VAV3: variants seen among roughly 807,000 people sequenced by gnomAD.
The protein encoded by VAV3 is vav guanine nucleotide exchange factor 3.
In VAV3, 94 loss-of-function variants were observed where a neutral mutation model predicts 131.2. The ratio of observed to expected loss-of-function variants is 0.72; its 90% CI spans 0.61 to 0.85. VAV3 has a LOEUF of 0.85. Ranked by LOEUF, VAV3 falls within the 40% of genes least tolerant of loss-of-function variation. VAV3 has a pLI of 0.00. For missense variants in VAV3, 939 were observed against 1,002.7 expected, an observed-to-expected ratio of 0.94 and a Z score of 0.86; for synonymous variants, 349 against 342.0, an observed-to-expected ratio of 1.02 and a Z score of -0.22.
chr1:107,629,751 A>G (rs765368473), intron 20 of VAV3, among the ~76,000 whole-genome samples: 1 of 152,178 alleles, frequency 6.6e-6, no homozygotes, highest in African/African-American at 2.4e-5. Context: ...GAAAATGCAG[A>G]TAGCCCATTC....
At chr1:107,898,148 C>A (rs1435198496) in intron 1 of VAV3, among the ~76,000 whole-genome samples, 1 of 151,596 alleles carries the variant, frequency 6.6e-6, no homozygotes, top group Non-Finnish European at 1.5e-5. Context: ...TGTTCTATGA[C>A]CTCATTTTGG....
At chr1:107,683,584 C>T (rs772750346) in intron 18 of VAV3, 51 bp from the exon 19 acceptor site, 6 of 1,596,014 alleles carry the variant, frequency 3.8e-6, no homozygotes, top group Non-Finnish European at 5.2e-6. Flanking sequence ...GGTAATTTTG[C>T]ACTATTAAAT....
chr1:107,748,899 G>A (rs112837004), intron 15 of VAV3, 69 bp downstream of exon 15: 4 of 1,142,700 alleles, frequency 3.5e-6, no homozygotes. Context: ...TACACTTATT[G>A]GTTGTTCATT....
chr1:107,963,158 T>G (rs1375894044), intron 1 of VAV3, among the ~76,000 whole-genome samples: 1 of 141,604 alleles, frequency 7.1e-6, no homozygotes, highest in African/African-American at 2.6e-5. Context: ...CTGCTGAGAG[T>G]TCCAGGAAAC....
intron 1 of VAV3, among the ~76,000 whole-genome samples, chr1:107,905,141 C>G (rs979903994): frequency 2.0e-5 from 3 of 152,142 alleles, no homozygotes. Context: ...TGGCATCTGG[C>G]AAGAATGAGA....
chr1:107,735,046 A>C (rs1270458933), intron 15 of VAV3, among the ~76,000 whole-genome samples: 1 of 152,256 alleles, frequency 6.6e-6, no homozygotes, highest in Non-Finnish European at 1.5e-5. Context: ...ACTCAGGATT[A>C]AGAAACTCAC....
intron 2 of VAV3, among the ~76,000 whole-genome samples, chr1:107,873,067 T>C (rs1670325244): frequency 6.6e-6 from 1 of 152,192 alleles, no homozygotes; most frequent in Admixed American, 6.5e-5. Flanking sequence ...TAAGTGACTA[T>C]AATGTAGGTT....
chr1:107,811,840 T>C (rs114087238), intron 2 of VAV3, among the ~76,000 whole-genome samples: 22,924 of 152,078 alleles, frequency 0.15, 1,973 homozygotes, highest in East Asian at 0.29. Flanking sequence ...CCGAAAACTA[T>C]CTTTGGACTT....
intron 15 of VAV3, among the ~76,000 whole-genome samples, chr1:107,712,297 A>G (rs1425556588): frequency 6.6e-6 from 1 of 152,214 alleles, no homozygotes; most frequent in Non-Finnish European, 1.5e-5. Flanking sequence ...ATGTGGCCCA[A>G]CACAAATCCG....
intron 19 of VAV3, among the ~76,000 whole-genome samples, chr1:107,645,989 C>T (rs893982889): frequency 3.3e-5 from 5 of 152,048 alleles, no homozygotes; most frequent in African/African-American, 1.2e-4. Context: ...CGTAACTTCT[C>T]TCCATTGACC....
chr1:107,600,230 G>A (rs771076375), intron 24 of VAV3, among the ~76,000 whole-genome samples: 1 of 152,148 alleles, frequency 6.6e-6, no homozygotes, highest in Non-Finnish European at 1.5e-5. Flanking sequence ...CAAATGAACA[G>A]AAACAAAATG....
intron 19 of VAV3, among the ~76,000 whole-genome samples, chr1:107,647,146 T>G (rs1655796871): frequency 6.6e-6 from 1 of 150,834 alleles, no homozygotes; most frequent in Non-Finnish European, 1.5e-5. Flanking sequence ...CAACATAGAT[T>G]AGTATCTATT....
At position 107,748,960 on chromosome 1, in the gene VAV3, A is replaced by G. The variant is rs761965251; in HGVS notation, c.1502+8T>C. On this transcript the variant is annotated splice_region_variant and intron_variant, in intron 15 of 26. Transcript: ENST00000370056. ...AATAAAAGCACTTTTAAAAATAGAAATACTCACAAAGCCATTTCAAACTGT... is the reference window on the plus strand; with the variant it reads ...AATAAAAGCACTTTTAAAAATAGAAGTACTCACAAAGCCATTTCAAACTGT... 1.9e-6 allele frequency: 3 copies of G among 1,562,680 alleles called. No individual in the cohort carries two copies. Among genetic ancestry groups the G allele is most frequent in the Non-Finnish European group, 2.6e-6 (3 of 1,150,500 alleles).
Position 107,902,245 on chromosome 1 carries a change from T to C in VAV3, c.205-27228A>G, listed in dbSNP as rs77309466. On this transcript the variant is annotated intron_variant, in intron 1 of 26. Coordinates refer to ENST00000370056, the MANE Select transcript of VAV3 (RefSeq NM_006113.5). The stretch of plus-strand genomic sequence containing the variant: ...GGTCTCTACAGACTTTGCCTAGTTT[T>C]CTGTGCTAAGTTTCTAAAGTGATTA... 6.4e-3 allele frequency among the ~76,000 whole-genome samples: 982 copies of C among 152,324 alleles called. 11 individuals carry two copies. Among genetic ancestry groups the C allele is most frequent in the African/African-American group, 0.023 (942 of 41,580 alleles).
intron 17 of VAV3, among the ~76,000 whole-genome samples, chr1:107,698,732 G>A (rs1194710591): frequency 6.6e-6 from 1 of 152,178 alleles, no homozygotes; most frequent in East Asian, 1.9e-4. Context: ...AAGAAAAGAG[G>A]TTTAATTGAC....
At position 107,964,810 on chromosome 1, in the gene VAV3, G is replaced by A. The variant is rs763375558; in HGVS notation, c.60C>T (p.Asn20=). ...WLIHCKVLPT[N]HRVTWDSAQV... is the part of the protein sequence containing the mutation. ...GAGCCGAGTCCCAGGTCACCCGGTG[G>A]TTGGTGGGCAGCACCTTGCAATGGA... is the stretch of plus-strand genomic sequence containing the variant. The change falls in exon 1 of 27, where the codon AAC becomes AAT. Residue 20 remains asparagine (N), a synonymous_variant. Transcript: ENST00000370056. 12 of 1,614,018 alleles carry A rather than the reference G, an allele frequency of 7.4e-6. 1 individual carries two copies. The South Asian group carries it at 1.2e-4, about 16-fold the overall frequency.
intron 2 of VAV3, 83 bp downstream of exon 2, chr1:107,874,818 C>A: frequency 1.6e-6 from 2 of 1,244,288 alleles, no homozygotes; most frequent in South Asian, 2.5e-5. Flanking sequence ...CCACTTAAGT[C>A]ACATGCCCTA....
chr1:107,745,902 C>G (rs1030143389), intron 15 of VAV3, among the ~76,000 whole-genome samples: 1 of 152,130 alleles, frequency 6.6e-6, no homozygotes, highest in Non-Finnish European at 1.5e-5. Context: ...CCAGAGCACT[C>G]TAGGGGAACT....
At chr1:107,782,300 T>C (rs1202955651) in intron 2 of VAV3, among the ~76,000 whole-genome samples, 1 of 152,120 alleles carries the variant, frequency 6.6e-6, no homozygotes, top group Non-Finnish European at 1.5e-5. Flanking sequence ...TCTATTCCTT[T>C]TCCCCCACCA....
Sources: allele counts gnomAD v4.1 joint callset (sites outside exome capture counted in the v4.1 genomes callset), GRCh38; gene constraint gnomAD v4.1.1; transcripts MANE v1.5; gene names NCBI Gene and HGNC (gene_info 2026-07-23, HGNC 2026-07-21).